Variants in RNGTT observed in about 807,000 individuals in gnomAD.
RNGTT encodes RNA guanylyltransferase and 5'-phosphatase.
Under a neutral mutation model 79.3 loss-of-function variants are expected in RNGTT, and 33 were observed. The observed-to-expected ratio is 0.42, with a 90% confidence interval of 0.32 to 0.56. RNGTT has a LOEUF of 0.56. RNGTT is among the 20% of genes least tolerant of loss of function. The pLI is 0.17. For missense variants in RNGTT, 497 were observed against 739.1 expected, an observed-to-expected ratio of 0.67 and a Z score of 3.80; for synonymous variants, 222 against 235.9, an observed-to-expected ratio of 0.94 and a Z score of 0.54.
In RNGTT at chr6:88,725,753, C is replaced by A. The variant is rs181363107; in HGVS notation, c.1439+44021G>T. Among the ~76,000 whole-genome samples the A allele has an allele frequency of 4.2e-3, 633 of 152,294 alleles. 3 individuals are homozygous for A. The highest frequency in any genetic ancestry group is 6.2e-3 in the Non-Finnish European group (423 of 68,018). Reference sequence around the variant, plus strand: ...CCGGTAGTAAGAAAAATATTCAGAACCCCCCTTTCCTTTCTTCTCAGGGGA... The same window carrying A: ...CCGGTAGTAAGAAAAATATTCAGAAACCCCCTTTCCTTTCTTCTCAGGGGA... On this transcript the variant is annotated intron_variant, in intron 13 of 15. Transcript: ENST00000369485.
At chr6:88,786,971 T>A (rs1425547837) in intron 12 of RNGTT, among the ~76,000 whole-genome samples, 2 of 152,132 alleles carry the variant, frequency 1.3e-5, no homozygotes, top group African/African-American at 4.8e-5. Context: ...GGACACAACA[T>A]AAGCCAAGAA....
At chr6:88,753,533 TTGAAC>T (rs1293299773) in intron 13 of RNGTT, among the ~76,000 whole-genome samples, 5 of 151,860 alleles carry the variant, frequency 3.3e-5, no homozygotes, top group East Asian at 1.9e-4. Context: ...ATAAAACTAC[TTGAAC>T]TGATAGAAAA....
chr6:88,715,415 C>T (rs1776474992), intron 13 of RNGTT, among the ~76,000 whole-genome samples: 1 of 151,950 alleles, frequency 6.6e-6, no homozygotes, highest in Admixed American at 6.6e-5. Context: ...GATTCAATGC[C>T]ATCCCCATCA....
Position 88,858,745 on chromosome 6 carries a change from G to A in RNGTT, c.897-4981C>T, listed in dbSNP as rs564317040. Among the ~76,000 whole-genome samples, 189 of 152,226 alleles carry A rather than the reference G, an allele frequency of 1.2e-3. 1 individual carries two copies. Among genetic ancestry groups the A allele is most frequent in the African/African-American group, 4.2e-3 (176 of 41,536 alleles). The stretch of plus-strand genomic sequence containing the variant: ...ATAGTTTGTTTGTACACCCTCTACA[G>A]TATACTAACCCTCACATTCAATATG... On this transcript the variant is annotated intron_variant, in intron 8 of 15. Coordinates refer to ENST00000369485, the MANE Select transcript of RNGTT (RefSeq NM_003800.5).
chr6:88,614,221 C>T, intron 15 of RNGTT, 51 bp downstream of exon 15: 4 of 1,592,398 alleles, frequency 2.5e-6, no homozygotes, highest in Non-Finnish European at 3.4e-6. Flanking sequence ...GGGTCTAACA[C>T]CTTAATTTTT....
intron 13 of RNGTT, among the ~76,000 whole-genome samples, chr6:88,725,156 C>A (rs551947988): frequency 6.6e-6 from 1 of 152,330 alleles, no homozygotes; most frequent in African/African-American, 2.4e-5. Context: ...ATTCCCTTCC[C>A]GGGGCGGTCT....
chr6:88,777,158 T>C (rs562470035), intron 12 of RNGTT, among the ~76,000 whole-genome samples: 16 of 152,294 alleles, frequency 1.1e-4, no homozygotes, highest in South Asian at 2.1e-4. Context: ...TGAACATACA[T>C]GCTTGGGTTT....
chr6:88,637,250 A>G (rs1293765549), intron 14 of RNGTT, among the ~76,000 whole-genome samples: 1 of 152,124 alleles, frequency 6.6e-6, no homozygotes, highest in Non-Finnish European at 1.5e-5. Context: ...CTAAACAACA[A>G]GAAAACAGAA....
chr6:88,637,231 C>T (rs1773133305), intron 14 of RNGTT, among the ~76,000 whole-genome samples: 1 of 152,040 alleles, frequency 6.6e-6, no homozygotes, highest in South Asian at 2.1e-4. Flanking sequence ...TCCATTCCCT[C>T]TCCTTCAACT....
intron 13 of RNGTT, among the ~76,000 whole-genome samples, chr6:88,740,463 G>A (rs1025692242): frequency 1.1e-4 from 17 of 151,916 alleles, no homozygotes; most frequent in Non-Finnish European, 2.4e-4. Context: ...AGGCTGCAGT[G>A]AGCTGTGATC....
At chr6:88,674,404 T>TAGCA (rs1774778254) in intron 14 of RNGTT, among the ~76,000 whole-genome samples, 1 of 151,930 alleles carries the variant, frequency 6.6e-6, no homozygotes, top group African/African-American at 2.4e-5. Flanking sequence ...GCCAGGCATG[T>TAGCA]AGCATGCACC....
intron 11 of RNGTT, among the ~76,000 whole-genome samples, chr6:88,804,698 T>G (rs908617048): frequency 2.0e-5 from 3 of 152,194 alleles, no homozygotes; most frequent in African/African-American, 7.2e-5. Flanking sequence ...AAATATTAGC[T>G]TTTGTTTATT....
At chr6:88,633,893 A>AAAGT (rs1772998599) in intron 14 of RNGTT, among the ~76,000 whole-genome samples, 1 of 152,232 alleles carries the variant, frequency 6.6e-6, no homozygotes, top group Non-Finnish European at 1.5e-5. Flanking sequence ...CAGAGAGAAG[A>AAAGT]AAGTAAGCAA....
chr6:88,951,713 G>C (rs1309652509), intron 1 of RNGTT, among the ~76,000 whole-genome samples: 1 of 152,148 alleles, frequency 6.6e-6, no homozygotes, highest in African/African-American at 2.4e-5. Context: ...GATTTAGAGA[G>C]CCGAGTGAAA....
intron 12 of RNGTT, among the ~76,000 whole-genome samples, chr6:88,795,533 G>C (rs534593817): frequency 2.6e-5 from 4 of 152,210 alleles, no homozygotes; most frequent in South Asian, 4.1e-4. Context: ...GGCATGTTGT[G>C]GGGGGTTGGG....
At chr6:88,913,827 T>C (rs1783913238) in intron 4 of RNGTT, among the ~76,000 whole-genome samples, 2 of 152,286 alleles carry the variant, frequency 1.3e-5, no homozygotes, top group Middle Eastern at 6.8e-3. Flanking sequence ...TCGCCACTCC[T>C]ATCCAGCATA....
rs1400707600 is a variant in RNGTT, at chr6:88,614,458, T to C, written c.1507-63A>G. On this transcript the variant is annotated intron_variant, in intron 14 of 15. Coordinates refer to ENST00000369485, the MANE Select transcript of RNGTT (RefSeq NM_003800.5). Reference sequence around the variant, plus strand: ...CTTGAAAGGCTTTTTGCTTCTACTATGTGACAGGCACATTAGGAAATGATA... The same window carrying C: ...CTTGAAAGGCTTTTTGCTTCTACTACGTGACAGGCACATTAGGAAATGATA... 2.7e-6 allele frequency: 4 copies of C among 1,490,886 alleles called. No homozygotes were observed. In the African/African-American group the frequency reaches 5.6e-5, roughly 21 times the overall value. The allele number at this position is 1,490,886 out of a possible 1,614,324, so 92.4% of individuals were successfully genotyped here. A position where few individuals can be genotyped will look rare whatever the true frequency, so the allele number is the denominator to read the frequency against.
chr6:88,685,687 T>TG (rs1459614435), intron 13 of RNGTT, among the ~76,000 whole-genome samples: 1 of 151,898 alleles, frequency 6.6e-6, no homozygotes, highest in Non-Finnish European at 1.5e-5. Flanking sequence ...AGAAACAGGA[T>TG]GGGGGGAAAG....
At chr6:88,622,742 T>C (rs1010044558) in intron 14 of RNGTT, among the ~76,000 whole-genome samples, 9 of 152,170 alleles carry the variant, frequency 5.9e-5, no homozygotes, top group African/African-American at 2.2e-4. Flanking sequence ...TGTGAATAAC[T>C]CCCAAATGTT....
Sources: gnomAD v4.1 joint callset for allele counts (sites outside exome capture counted in the v4.1 genomes callset) on GRCh38, gnomAD v4.1.1 for gene constraint, MANE v1.5 for transcripts, NCBI Gene and HGNC (gene_info 2026-07-23, HGNC 2026-07-21) for gene names.